OR10G3: variants seen among roughly 807,000 people sequenced by gnomAD.
The protein encoded by OR10G3 is olfactory receptor family 10 subfamily G member 3.
Under a neutral mutation model 13.4 loss-of-function variants are expected in OR10G3, and 8 were observed. The observed-to-expected ratio is 0.60, with a 90% CI of 0.35 to 1.08. OR10G3 has a LOEUF of 1.08. Ranked by LOEUF, OR10G3 falls within the 50% of genes least tolerant of loss-of-function variation. OR10G3 has a pLI of 0.02. For missense variants in OR10G3, 393 were observed against 386.6 expected (o/e 1.02, Z -0.14); for synonymous variants, 142 against 156.1 (o/e 0.91, Z 0.67).
intron 1 of OR10G3, among the ~76,000 whole-genome samples, chr14:21,578,365 C>T (rs539545248): frequency 6.6e-5 from 10 of 152,060 alleles, no homozygotes; most frequent in African/African-American, 1.7e-4. Context: ...GACTTGAGAT[C>T]GTGCGATTGC....
chr14:21,579,177 A>G (rs1876832787), intron 1 of OR10G3, among the ~76,000 whole-genome samples: 1 of 152,260 alleles, frequency 6.6e-6, no homozygotes, highest in South Asian at 2.1e-4. Flanking sequence ...AATTTAGCCA[A>G]TTAAAGGCCT....
chr14:21,578,900 T>C (rs1433281337), intron 1 of OR10G3, among the ~76,000 whole-genome samples: 7 of 152,214 alleles, frequency 4.6e-5, no homozygotes, highest in Admixed American at 4.6e-4. Flanking sequence ...TGAGACAATT[T>C]CTATTAAAAT....
rs201682835 is a variant in OR10G3, at chr14:21,569,886, G to A, written c.859C>T (p.Leu287Phe). The change falls in exon 2 of 2, where the codon CTT (leucine) becomes TTT (phenylalanine). Residue 287 changes from leucine (L) to phenylalanine (F), a missense_variant. By Grantham distance (22) the Leu-to-Phe change is conservative. Coordinates refer to ENST00000641040, the MANE Select transcript of OR10G3 (RefSeq NM_001005465.2). ...TCTTGGTTCCGCAGAGTGTAGATAA[G>A]GGGGTTGAGGAAAGGAGTGATGGCC... ...PTAITPFLNP[L>F]IYTLRNQEVK... The A allele has an allele frequency of 3.1e-6, 5 of 1,596,994 alleles. No homozygotes were observed. The highest frequency in any genetic ancestry group is 4.3e-6 in the Non-Finnish European group (5 of 1,170,894).
chr14:21,570,022 A>G lies in OR10G3; in HGVS notation c.723T>C (p.Thr241=). The G allele has an allele frequency of 6.2e-7, 1 of 1,614,180 alleles. No homozygotes were observed. Among genetic ancestry groups the G allele is most frequent in the Admixed American group, 1.7e-5 (1 of 60,022 alleles). The change falls in exon 2 of 2, where the codon ACT becomes ACC. Residue 241 remains threonine (T), a synonymous_variant. Coordinates refer to ENST00000641040, the MANE Select transcript of OR10G3 (RefSeq NM_001005465.2). ...TADGRRRAFS[T]CGAHVTVVTV... is the part of the protein sequence containing the mutation. ...TGACCACGGTTACATGGGCTCCACA[A>G]GTTGAAAAAGCCCGGCGCCGCCCAT...
intron 1 of OR10G3, among the ~76,000 whole-genome samples, chr14:21,576,222 T>A (rs960991442): frequency 2.0e-5 from 3 of 152,226 alleles, no homozygotes; most frequent in African/African-American, 7.2e-5. Context: ...TTCAAGTACC[T>A]GAGAGAATGA....
rs377343156 is a variant in OR10G3, at chr14:21,570,972, C to T, written c.-17-211G>A. ...CTTGCTCATTTACTTACATATTGTC[C>T]GTAACTGTTTTGGAGCTACTATGAC... On this transcript the variant is annotated intron_variant, in intron 1 of 1. Coordinates refer to ENST00000641040, the MANE Select transcript of OR10G3 (RefSeq NM_001005465.2). Among the ~76,000 whole-genome samples the T allele has an allele frequency of 3.9e-5, 6 of 152,124 alleles. No individual in the cohort carries two copies. The East Asian group carries it at 7.7e-4, about 20-fold the overall frequency.
intron 1 of OR10G3, among the ~76,000 whole-genome samples, chr14:21,572,374 G>C (rs1893080795): frequency 6.8e-6 from 1 of 145,998 alleles, no homozygotes; most frequent in Admixed American, 7.0e-5. Flanking sequence ...CGAGGCAGAT[G>C]GATCACAAGG....
intron 1 of OR10G3, among the ~76,000 whole-genome samples, chr14:21,576,346 G>A (rs1379037580): frequency 6.6e-6 from 1 of 152,158 alleles, no homozygotes; most frequent in Non-Finnish European, 1.5e-5. Flanking sequence ...ATGGTCCCTG[G>A]AAATGAAATT....
At chr14:21,576,907 T>C (rs1048779243) in intron 1 of OR10G3, among the ~76,000 whole-genome samples, 1 of 151,694 alleles carries the variant, frequency 6.6e-6, no homozygotes, top group African/African-American at 2.4e-5. Flanking sequence ...ATACCGAGTA[T>C]CTTTATTGGG....
chr14:21,579,214 G>A (rs994526547), intron 1 of OR10G3, among the ~76,000 whole-genome samples: 1 of 151,536 alleles, frequency 6.6e-6, no homozygotes. Flanking sequence ...TCCAATATTA[G>A]CCACTATTTT....
intron 1 of OR10G3, among the ~76,000 whole-genome samples, chr14:21,575,962 G>T (rs573058781): frequency 6.6e-6 from 1 of 152,122 alleles, no homozygotes; most frequent in Non-Finnish European, 1.5e-5. Context: ...CCTCCTCCCC[G>T]CGTTCCTTGA....
chr14:21,572,122 C>G (rs1893075729), intron 1 of OR10G3, among the ~76,000 whole-genome samples: 1 of 150,664 alleles, frequency 6.6e-6, no homozygotes. Context: ...TGAAACCCTG[C>G]CTCTGCTAAA....
In OR10G3 at chr14:21,570,713, G is replaced by A. The variant is rs150646095; in HGVS notation, c.32C>T (p.Ala11Val). The A allele has an allele frequency of 3.9e-5, 62 of 1,597,726 alleles. No homozygotes were observed. Among genetic ancestry groups the A allele is most frequent in the Non-Finnish European group, 4.9e-5 (58 of 1,177,838 alleles). Residue 11 changes from alanine to valine, a missense_variant, in exon 2 of 2, where the codon GCG (alanine) becomes GTG (valine). By Grantham distance (64) the Ala-to-Val change is moderately conservative (BLOSUM62 0). Coordinates refer to ENST00000641040, the MANE Select transcript of OR10G3 (RefSeq NM_001005465.2). Reference protein sequence around the residue: MERINSTLLTAFILTGIPYPL... With the variant: MERINSTLLTVFILTGIPYPL... ...ATACGGAATTCCTGTCAGGATAAAC[G>A]CAGTCAACAGTGTGCTGTTGATTCT...
At chr14:21,577,943 A>G (rs1876797720) in intron 1 of OR10G3, among the ~76,000 whole-genome samples, 1 of 152,154 alleles carries the variant, frequency 6.6e-6, no homozygotes. Flanking sequence ...CTGAGATTAC[A>G]GTGAACTGAG....
chr14:21,570,395 G>T lies in OR10G3; in HGVS notation c.350C>A (p.Thr117Asn). ...CAGGTACCTGTCATAGGCCATTAGG[G>T]TGTAGAGGAAGCACTGGGTGCTGCC... The part of the protein sequence containing the change: ...FLGSTQCFLY[T>N]LMAYDRYLAI... The change falls in exon 2 of 2, where the codon ACC becomes AAC. Residue 117 changes from threonine to asparagine, a missense_variant. Coordinates refer to ENST00000641040, the MANE Select transcript of OR10G3 (RefSeq NM_001005465.2). 6.2e-7 allele frequency: 1 copy of T among 1,614,164 alleles called. No individual in the cohort carries two copies. Among genetic ancestry groups the T allele is most frequent in the Non-Finnish European group, 8.5e-7 (1 of 1,180,022 alleles).
At chr14:21,571,540 G>T (rs1037586666) in intron 1 of OR10G3, among the ~76,000 whole-genome samples, 4 of 152,190 alleles carry the variant, frequency 2.6e-5, no homozygotes, top group Non-Finnish European at 5.9e-5. Flanking sequence ...AGAAATGAGG[G>T]CTGGCTCTAG....
rs151261785 is a variant in OR10G3 at position 21,570,042 on chromosome 14, G to A, written c.703C>T (p.Arg235Trp). The A allele has an allele frequency of 1.2e-4, 195 of 1,614,196 alleles. No homozygotes were observed. Among genetic ancestry groups the A allele is most frequent in the Non-Finnish European group, 1.5e-4 (175 of 1,180,028 alleles). ...CCACAAGTTGAAAAAGCCCGGCGCC[G>A]CCCATCAGCTGTGTGGATTCTCAGG... ...AILRIHTADG[R>W]RRAFSTCGAH... Residue 235 changes from arginine (R) to tryptophan (W), a missense_variant, in exon 2 of 2, where the codon CGG becomes TGG. Physicochemically the swap from Arg to Trp is moderately radical, Grantham distance 101 (BLOSUM62 -3). Coordinates refer to ENST00000641040, the MANE Select transcript of OR10G3 (RefSeq NM_001005465.2).
intron 1 of OR10G3, chr14:21,575,049 A>C (rs899812090): frequency 6.6e-6 from 1 of 152,188 alleles, no homozygotes; most frequent in Non-Finnish European, 1.5e-5. Context: ...ACAAATAGTG[A>C]AAAACAAGGG....
intron 1 of OR10G3, among the ~76,000 whole-genome samples, chr14:21,572,091 A>G (rs1893075303): frequency 1.3e-5 from 2 of 150,642 alleles, no homozygotes; most frequent in South Asian, 4.3e-4. Context: ...CAGGAGTTCA[A>G]GACTAGCCTG....
Sources: gnomAD v4.1 joint callset for allele counts (sites outside exome capture counted in the v4.1 genomes callset) on GRCh38, gnomAD v4.1.1 for gene constraint, MANE v1.5 for transcripts, NCBI Gene and HGNC (gene_info 2026-07-23, HGNC 2026-07-21) for gene names.